The following PPFIBP2 variants were observed in gnomAD, a reference collection of about 807,000 sequenced individuals.
PPFIBP2 encodes liprin-beta-2.
PPFIBP2 carries 118 observed loss-of-function variants against 118.3 expected under a neutral mutation model. The observed-to-expected ratio is 1.00, with a 90% CI of 0.86 to 1.16. PPFIBP2 has a LOEUF of 1.16. Ranked by LOEUF, PPFIBP2 falls within the 50% of genes most tolerant of loss-of-function variation. The probability of loss-of-function intolerance (pLI) is 0.00; values close to 1 mark genes in which losing one functional copy is unlikely to be tolerated. For missense variants in PPFIBP2, 1,195 were observed against 1,073.1 expected (o/e 1.11, Z -1.59); for synonymous variants, 414 against 397.4 (o/e 1.04, Z -0.50).
chr11:7,580,290 A>G (rs1857078619), intron 3 of PPFIBP2, among the ~76,000 whole-genome samples: 1 of 152,122 alleles, frequency 6.6e-6, no homozygotes, highest in African/African-American at 2.4e-5. Context: ...GGTCTGCAGC[A>G]CTTCCCATCT....
At chr11:7,633,428 G>C (rs1411548232) in intron 12 of PPFIBP2, among the ~76,000 whole-genome samples, 1 of 152,190 alleles carries the variant, frequency 6.6e-6, no homozygotes, top group African/African-American at 2.4e-5. Flanking sequence ...ACTGCCATCT[G>C]TCTTGTTCCC....
chr11:7,636,686 A>G (rs574452393), intron 14 of PPFIBP2, among the ~76,000 whole-genome samples: 1 of 152,326 alleles, frequency 6.6e-6, no homozygotes, highest in East Asian at 1.9e-4. Flanking sequence ...AAGGTTTAAG[A>G]CGCCAATTTG....
Position 7,621,624 on chromosome 11 carries a change from C to A in PPFIBP2, c.711+597C>A, listed in dbSNP as rs539286596. 6.6e-5 allele frequency among the ~76,000 whole-genome samples: 10 copies of A among 152,268 alleles called. No individual in the cohort carries two copies. The East Asian group carries it at 1.5e-3, about 23-fold the overall frequency. On this transcript the variant is annotated intron_variant, in intron 7 of 23. Transcript: ENST00000299492. ...TTTTCCTATACTAAAGTGCAGAGAT[C>A]AAAACTAGTGGGTTACATTCAGCCC...
chr11:7,560,411 A>G lies in PPFIBP2; in HGVS notation c.65-5142A>G, dbSNP rs372468431. Among the ~76,000 whole-genome samples, 3 of 152,220 alleles carry G rather than the reference A, an allele frequency of 2.0e-5. No individual in the cohort carries two copies. In the East Asian group the frequency reaches 5.8e-4, roughly 29 times the overall value. On this transcript the variant is annotated intron_variant, in intron 2 of 23. Transcript: ENST00000299492. ...AACATTTGGGTATTTCTCTGTATAT[A>G]TATATACCATATACATATAATTGTT...
Position 7,625,883 on chromosome 11 carries a change from CAG to C in PPFIBP2, c.825_826del (p.Asp276ProfsTer18), listed in dbSNP as rs1565081196. The C allele has an allele frequency of 6.2e-7, 1 of 1,613,664 alleles. No individual in the cohort carries two copies. The highest frequency in any genetic ancestry group is 1.3e-5 in the African/African-American group (1 of 74,942). On this transcript the variant is annotated frameshift_variant, in exon 8 of 24. Transcript: ENST00000299492. LOFTEE classifies it high-confidence loss of function. ...GCAGCTCTCCACAGTGAGAGTCACA[CAG>C]AGAGAGGTGACTAGCTTGACTCTGA...
At chr11:7,608,675 C>G (rs182083929) in intron 5 of PPFIBP2, among the ~76,000 whole-genome samples, 2 of 152,296 alleles carry the variant, frequency 1.3e-5, no homozygotes, top group East Asian at 3.9e-4. Flanking sequence ...AAAAATAACT[C>G]TGCTGCTGAT....
intron 8 of PPFIBP2, 29 bp downstream of exon 8, chr11:7,625,920 G>T: frequency 1.3e-6 from 2 of 1,571,764 alleles, no homozygotes; most frequent in Non-Finnish European, 1.7e-6. Flanking sequence ...ACAAAATGCA[G>T]TTGTCTGGGT....
intron 1 of PPFIBP2, among the ~76,000 whole-genome samples, chr11:7,540,639 T>G (rs2134436207): frequency 1.3e-5 from 2 of 152,252 alleles, no homozygotes; most frequent in South Asian, 4.1e-4. Context: ...AATTGGTTAT[T>G]TTATCAATAA....
chr11:7,555,818 A>G (rs931684319), intron 2 of PPFIBP2, among the ~76,000 whole-genome samples: 1 of 152,220 alleles, frequency 6.6e-6, no homozygotes, highest in African/African-American at 2.4e-5. Flanking sequence ...GAGTTTGGAT[A>G]AGGCTGGAAC....
intron 1 of PPFIBP2, among the ~76,000 whole-genome samples, chr11:7,544,979 G>A (rs1852183800): frequency 6.6e-6 from 1 of 152,102 alleles, no homozygotes; most frequent in Non-Finnish European, 1.5e-5. Flanking sequence ...CCCTGTGGGA[G>A]GAACCGATGT....
At chr11:7,538,694 C>A (rs2134414893) in intron 1 of PPFIBP2, among the ~76,000 whole-genome samples, 1 of 151,976 alleles carries the variant, frequency 6.6e-6, no homozygotes, top group Middle Eastern at 3.4e-3. Context: ...TAAGGATATC[C>A]TGGACCTCGC....
chr11:7,628,113 A>T (rs1850266226), intron 8 of PPFIBP2, among the ~76,000 whole-genome samples, 172 bp from the exon 9 acceptor site: 1 of 152,210 alleles, frequency 6.6e-6, no homozygotes, highest in Non-Finnish European at 1.5e-5. Context: ...GTAGTCTAGC[A>T]AATATTTAAG....
Position 7,610,394 on chromosome 11 carries a change from A to G in PPFIBP2, c.590A>G (p.Glu197Gly). ...KLVGMEKEQR[E>G]QEEKQRKAEE... ...GTTGGCATGGAGAAGGAGCAGAGAG[A>G]GCAGGAGGAGAAGCAGAGAAAAGCA... is the stretch of plus-strand genomic sequence containing the variant. The change falls in exon 6 of 24, where the codon GAG becomes GGG. Residue 197 changes from glutamate to glycine, a missense_variant. Glu to Gly is a moderately conservative substitution (Grantham distance 98). Coordinates refer to ENST00000299492, the MANE Select transcript of PPFIBP2 (RefSeq NM_003621.5). 1.9e-6 allele frequency: 3 copies of G among 1,614,048 alleles called. No homozygotes were observed.
chr11:7,632,174 C>T (rs1482071277), intron 11 of PPFIBP2, among the ~76,000 whole-genome samples: 1 of 152,210 alleles, frequency 6.6e-6, no homozygotes, highest in Non-Finnish European at 1.5e-5. Flanking sequence ...TCTTTCCTTT[C>T]TTGCCTTAAC....
intron 3 of PPFIBP2, among the ~76,000 whole-genome samples, chr11:7,572,327 G>A (rs1357831304): frequency 1.3e-5 from 2 of 152,096 alleles, no homozygotes; most frequent in African/African-American, 2.4e-5. Context: ...CAAGACTGGG[G>A]GCCTTCAGCC....
chr11:7,533,897 C>T (rs770765383), intron 1 of PPFIBP2, among the ~76,000 whole-genome samples: 3 of 152,120 alleles, frequency 2.0e-5, no homozygotes, highest in Admixed American at 6.5e-5. Flanking sequence ...ACTGTGAAGC[C>T]GAGGAATGTT....
intron 1 of PPFIBP2, among the ~76,000 whole-genome samples, chr11:7,526,385 GA>G (rs1289289717): frequency 3.9e-5 from 6 of 152,198 alleles, no homozygotes; most frequent in Non-Finnish European, 8.8e-5. Flanking sequence ...AGCTTAGCTA[GA>G]CTCTTCCCAT....
intron 1 of PPFIBP2, among the ~76,000 whole-genome samples, chr11:7,542,316 T>G (rs1198860133): frequency 6.6e-6 from 1 of 152,246 alleles, no homozygotes; most frequent in East Asian, 1.9e-4. Context: ...ATATGGTAAC[T>G]AAAGAGGAGA....
chr11:7,651,198 C>G (rs993545354), intron 22 of PPFIBP2: 1 of 450,636 alleles, frequency 2.2e-6, no homozygotes, highest in African/African-American at 1.9e-5. Context: ...CTTGAGGATT[C>G]TAGGTCGATG....
Sources: allele counts gnomAD v4.1 joint callset (sites outside exome capture counted in the v4.1 genomes callset), GRCh38; gene constraint gnomAD v4.1.1; transcripts MANE v1.5; gene names NCBI Gene and HGNC (gene_info 2026-07-23, HGNC 2026-07-21).